MELTF: variants seen among roughly 807,000 people sequenced by gnomAD.
The protein encoded by MELTF is antigen p97 (melanoma associated) identified by monoclonal antibodies 133.2 and 96.5.
A neutral mutation model predicts 83.7 loss-of-function variants in MELTF; 67 were observed. The observed-to-expected ratio is 0.80, with a 90% CI of 0.66 to 0.98. The LOEUF (loss-of-function observed/expected upper bound fraction) is 0.98, where lower values mean the gene tolerates loss of function less well. MELTF is among the 50% of genes least tolerant of loss of function. The pLI is 0.00. For missense variants in MELTF, 1,002 were observed against 1,035.6 expected, an observed-to-expected ratio of 0.97 and a Z score of 0.44; for synonymous variants, 462 against 447.6, an observed-to-expected ratio of 1.03 and a Z score of -0.41.
chr3:197,019,727 G>C, intron 6 of MELTF: 1 of 1,612,394 alleles, frequency 6.2e-7, no homozygotes, highest in East Asian at 2.2e-5. Flanking sequence ...ATCGTCCTAC[G>C]TGCTTCCTCG....
chr3:197,021,539 G>T, intron 5 of MELTF, 68 bp from the exon 6 acceptor site: 1 of 1,485,670 alleles, frequency 6.7e-7, no homozygotes, highest in Non-Finnish European at 9.3e-7. Context: ...CACCTCTGGA[G>T]GCCTGGCTTG....
At chr3:197,025,365 C>T (rs540004693) in intron 3 of MELTF, among the ~76,000 whole-genome samples, 16 of 152,230 alleles carry the variant, frequency 1.1e-4, no homozygotes, top group African/African-American at 7.2e-5. Flanking sequence ...CTGACTCACC[C>T]GCCTTGTTTC....
chr3:197,016,275 A>G lies in MELTF; in HGVS notation c.995T>C (p.Leu332Pro). ...ATAGGTCTGTGTGGCGATGGGCACA[A>G]GCTCCGAGGTAGAGTCTTTGAAGAG... Reference protein sequence around the residue: ...DLLFKDSTSELVPIATQTYEA... With the variant: ...DLLFKDSTSEPVPIATQTYEA... Residue 332 changes from leucine (L) to proline (P), a missense_variant, in exon 8 of 16, where the codon CTT becomes CCT. Physicochemically the swap from Leu to Pro is moderately conservative, Grantham distance 98. Coordinates refer to ENST00000296350, the MANE Select transcript of MELTF (RefSeq NM_005929.6). 2 of 1,613,266 alleles carry G rather than the reference A, an allele frequency of 1.2e-6. No homozygotes were observed. The highest frequency in any genetic ancestry group is 1.3e-5 in the African/African-American group (1 of 75,002).
chr3:197,002,688 C>T lies in MELTF; in HGVS notation c.*684G>A. 1 of 152,270 alleles carries T rather than the reference C, an allele frequency of 6.6e-6. No individual in the cohort carries two copies. Among genetic ancestry groups the T allele is most frequent in the East Asian group, 1.9e-4 (1 of 5,174 alleles). The allele number at this position is 152,270 out of a possible 1,614,324, so 9.4% of individuals were successfully genotyped here. A position where few individuals can be genotyped will look rare whatever the true frequency, so the allele number is the denominator to read the frequency against. ...GGGGAGGCGAGAGCCTGAGGAGACT[C>T]GGGAGGGGGCCCGTGGACGCGGCTG... is the stretch of plus-strand genomic sequence containing the variant. On this transcript the variant is annotated 3_prime_UTR_variant, in exon 16 of 16. Coordinates refer to ENST00000296350, the MANE Select transcript of MELTF (RefSeq NM_005929.6).
chr3:197,023,262 T>C, intron 4 of MELTF, 149 bp from the exon 5 acceptor site: 5 of 815,394 alleles, frequency 6.1e-6, no homozygotes, highest in Non-Finnish European at 9.7e-6. Flanking sequence ...AGCTGGGGAG[T>C]GGACCCGATC....
rs1038065266 is a variant in MELTF at position 197,003,395 on chromosome 3, G to A, written c.2194C>T (p.Arg732Cys). 19 of 1,095,894 alleles carry A rather than the reference G, an allele frequency of 1.7e-5. No individual in the cohort carries two copies. Among genetic ancestry groups the A allele is most frequent in the Middle Eastern group, 4.0e-4 (1 of 2,500 alleles). The allele number at this position is 1,095,894 out of a possible 1,614,324, so 67.9% of individuals were successfully genotyped here. Reference protein sequence around the residue: ...LPLLLPALAARLLPPAL With the variant: ...LPLLLPALAACLLPPAL ...GCTCAGAGGGCGGGCGGGAGCAGGC[G>A]GGCGGCGAGGGCGGGCAGCAGCAGC... The change falls in exon 16 of 16, where the codon CGC becomes TGC. Residue 732 changes from arginine (R) to cysteine (C), a missense_variant. Transcript: ENST00000296350. The surrounding 1 kb of genome is among the most constrained non-coding windows in gnomAD (Gnocchi z 6.2).
rs1383067123 is a variant in MELTF, at chr3:197,003,334, C to G, written c.*38G>C. On this transcript the variant is annotated 3_prime_UTR_variant, in exon 16 of 16. Transcript: ENST00000296350. This position sits in a 1 kb window ranked among gnomAD's most constrained non-coding sequence, Gnocchi z 6.2. ...GCGCGAAGCCGCCGCGGAAACTCCCCGGGCGGGCATCGGAGCTCTGGGGCG... is the reference window on the plus strand; with the variant it reads ...GCGCGAAGCCGCCGCGGAAACTCCCGGGGCGGGCATCGGAGCTCTGGGGCG... 2.9e-6 allele frequency: 3 copies of G among 1,031,226 alleles called. No individual in the cohort carries two copies. The highest frequency in any genetic ancestry group is 3.5e-5 in the African/African-American group (2 of 57,306). The allele number at this position is 1,031,226 out of a possible 1,614,324, so 63.9% of individuals were successfully genotyped here.
intron 8 of MELTF, 112 bp downstream of exon 8, chr3:197,016,077 C>T (rs1055977789): frequency 5.3e-6 from 5 of 949,620 alleles, no homozygotes; most frequent in Non-Finnish European, 7.5e-6. Context: ...GACAGGTTCC[C>T]GCAGAGGCCT....
chr3:197,004,037 A>G lies in MELTF; in HGVS notation c.2001T>C (p.His667=). Residue 667 remains histidine, a synonymous_variant, in exon 15 of 16, where the codon CAT becomes CAC. Transcript: ENST00000296350. ...CATCCTTGAAAAGCAGGTCTTGGCC[A>G]TGATAGTTGGAGGAGTCGAACATTT... The part of the protein sequence containing the change: ...GFKMFDSSNY[H]GQDLLFKDAT... 1.2e-6 allele frequency: 2 copies of G among 1,614,188 alleles called. No individual in the cohort carries two copies. Among genetic ancestry groups the G allele is most frequent in the South Asian group, 1.1e-5 (1 of 91,090 alleles).
intron 8 of MELTF, 129 bp from the exon 9 acceptor site, chr3:197,015,645 C>T (rs998052511): frequency 1.8e-4 from 191 of 1,040,846 alleles, no homozygotes; most frequent in South Asian, 1.3e-3. Flanking sequence ...ATTTAACCAT[C>T]GGATCCCACT....
Position 197,022,972 on chromosome 3 carries a change from T to A in MELTF, c.629A>T (p.Tyr210Phe). The change falls in exon 5 of 16, where the codon TAC (tyrosine) becomes TTC (phenylalanine). Residue 210 changes from tyrosine to phenylalanine, a missense_variant. Tyr to Phe is a conservative substitution (Grantham distance 22, BLOSUM62 3). Transcript: ENST00000296350. The surrounding 1 kb of genome is among the most constrained non-coding windows in gnomAD (Gnocchi z 5.1). Reference protein sequence around the residue: ...DKSPLERYYDYSGAFRCLAEG... With the variant: ...DKSPLERYYDFSGAFRCLAEG... ...CTCCGCTCACCGGAAGGCCCCGCTG[T>A]AGTCGTAGTATCTCTCCAGGGGGCT... 5.0e-6 allele frequency: 8 copies of A among 1,610,042 alleles called. No homozygotes were observed. The Middle Eastern group carries it at 6.9e-4, about 140-fold the overall frequency.
intron 9 of MELTF, among the ~76,000 whole-genome samples, chr3:197,013,334 G>A (rs1719250819): frequency 6.6e-6 from 1 of 152,104 alleles, no homozygotes; most frequent in Admixed American, 6.6e-5. Flanking sequence ...GAATGAACGG[G>A]GCCCTAAACT....
At chr3:197,005,272 A>T (rs893753390) in intron 14 of MELTF, among the ~76,000 whole-genome samples, 5 of 152,360 alleles carry the variant, frequency 3.3e-5, no homozygotes, top group African/African-American at 1.2e-4. Flanking sequence ...TCCCGAGGAA[A>T]TGGAAAAGCT....
At chr3:197,021,834 C>T (rs1163419632) in intron 5 of MELTF, among the ~76,000 whole-genome samples, 3 of 152,098 alleles carry the variant, frequency 2.0e-5, no homozygotes, top group Admixed American at 1.3e-4. Context: ...CTCAGGGCGT[C>T]GGTTTTCTGT....
Position 197,006,550 on chromosome 3 carries a change from T to C in MELTF, c.1937A>G (p.Gln646Arg). ...FTVYGLLDKA[Q>R]DLFGDDHNKN... The stretch of plus-strand genomic sequence containing the variant: ...TGAGGTAGCCCCACCCTGGCTCACC[T>C]GGGCCTTGTCCAGCAGTCCATACAC... The change falls in exon 14 of 16, where the codon CAG (glutamine) becomes CGG (arginine). Residue 646 changes from glutamine to arginine, a missense_variant and splice_region_variant. Physicochemically the swap from Gln to Arg is conservative, Grantham distance 43 (BLOSUM62 1). Transcript: ENST00000296350. This position sits in a 1 kb window ranked among gnomAD's most constrained non-coding sequence, Gnocchi z 5.4. 6.2e-7 allele frequency: 1 copy of C among 1,611,920 alleles called. No individual in the cohort carries two copies. Among genetic ancestry groups the C allele is most frequent in the East Asian group, 2.2e-5 (1 of 44,630 alleles).
intron 3 of MELTF, among the ~76,000 whole-genome samples, chr3:197,025,132 G>T (rs1719801134): frequency 6.6e-6 from 1 of 152,252 alleles, no homozygotes; most frequent in South Asian, 2.1e-4. Flanking sequence ...GCTCCAAGGG[G>T]CTGCTCAGGC....
At chr3:197,017,366 G>T in intron 6 of MELTF, 76 bp from the exon 7 acceptor site, 1 of 1,324,910 alleles carries the variant, frequency 7.5e-7, no homozygotes, top group Non-Finnish European at 1.0e-6. Flanking sequence ...CCAGGAGAGG[G>T]AATCTGAGGG....
At position 197,024,486 on chromosome 3, in the gene MELTF, C is replaced by A. The variant is rs760056065; in HGVS notation, c.305-1G>T. ...ACGGCGTAATAGGAGGTACCGACCT[C>A]TAGGAGGGGAGGGGAGTGGGTGAGG... On this transcript the variant is annotated splice_acceptor_variant, in intron 3 of 15. Transcript: ENST00000296350. LOFTEE classifies it high-confidence loss of function. This position sits in a 1 kb window ranked among gnomAD's most constrained non-coding sequence, Gnocchi z 5.3. 61 of 1,571,144 alleles carry A rather than the reference C, an allele frequency of 3.9e-5. No individual in the cohort carries two copies. The highest frequency in any genetic ancestry group is 5.2e-5 in the Non-Finnish European group (60 of 1,150,802).
intron 9 of MELTF, among the ~76,000 whole-genome samples, chr3:197,013,169 C>T (rs749711926): frequency 9.9e-5 from 15 of 152,174 alleles, no homozygotes; most frequent in Non-Finnish European, 2.1e-4. Flanking sequence ...TAGAAACGGA[C>T]ATATAGACCA....
Sources: allele counts gnomAD v4.1 joint callset (sites outside exome capture counted in the v4.1 genomes callset), GRCh38; gene constraint gnomAD v4.1.1; non-coding constraint Gnocchi (gnomAD v3.1); transcripts MANE v1.5; gene names NCBI Gene and HGNC (gene_info 2026-07-23, HGNC 2026-07-21).